ZNF740: variants seen among roughly 807,000 people sequenced by gnomAD.
ZNF740 encodes the protein oriLyt TD-element-binding protein 7.
ZNF740 carries 14 observed loss-of-function variants against 24.8 expected under a neutral mutation model. That is an observed-to-expected ratio of 0.56 (90% CI 0.37 to 0.88). ZNF740 has a LOEUF of 0.88. ZNF740 is among the 40% of genes least tolerant of loss of function. The probability of loss-of-function intolerance (pLI) is 0.00; values close to 1 mark genes in which losing one functional copy is unlikely to be tolerated. For missense variants in ZNF740, 201 were observed against 247.9 expected, an observed-to-expected ratio of 0.81 and a Z score of 1.27; for synonymous variants, 69 against 84.0, an observed-to-expected ratio of 0.82 and a Z score of 0.98.
At position 53,188,998 on chromosome 12, in the gene ZNF740, C is replaced by G. The variant is rs1565693793; in HGVS notation, c.*1408C>G. The G allele has an allele frequency of 6.6e-6, 1 of 152,196 alleles. No homozygotes were observed. The highest frequency in any genetic ancestry group is 1.9e-4 in the East Asian group (1 of 5,184). The allele number at this position is 152,196 out of a possible 1,614,324, so 9.4% of individuals were successfully genotyped here. On this transcript the variant is annotated 3_prime_UTR_variant, in exon 7 of 7. Coordinates refer to ENST00000416904, the MANE Select transcript of ZNF740 (RefSeq NM_001004304.4). ...CAAACCCTTCTCTGGCCCTCACCTT[C>G]AGGGAGGATGAGTGGAAAATAGCCT...
Position 53,186,522 on chromosome 12 carries a change from C to T in ZNF740, c.492+13C>T. ...ACGGTGTCATCAGGTAAGGCTCATC[C>T]CTGCTACAATACCCCACACACACTT... On this transcript the variant is annotated intron_variant, in intron 6 of 6. Transcript: ENST00000416904. 6.5e-7 allele frequency: 1 copy of T among 1,545,624 alleles called. No individual in the cohort carries two copies. Among genetic ancestry groups the T allele is most frequent in the South Asian group, 1.2e-5 (1 of 84,032 alleles).
At chr12:53,184,837 T>C (rs1351288355) in intron 2 of ZNF740, 54 bp from the exon 3 acceptor site, 43 of 1,573,052 alleles carry the variant, frequency 2.7e-5, no homozygotes, top group Non-Finnish European at 3.6e-5. Flanking sequence ...GATGGCAGTC[T>C]GTTTTTGCCC....
In ZNF740 at chr12:53,187,859, G is replaced by GA. The variant is rs1941853777; in HGVS notation, c.*269_*270insA. 4.4e-6 allele frequency: 2 copies of GA among 458,700 alleles called. No individual in the cohort carries two copies. Among genetic ancestry groups the GA allele is most frequent in the Admixed American group, 7.1e-5 (2 of 28,016 alleles). The allele number at this position is 458,700 out of a possible 1,614,324, so 28.4% of individuals were successfully genotyped here. ...TGGACCCTTGGCTGAGGTCATAGGTGGGGACTCAAGGTACAGGACCAAGAC... is the reference window on the plus strand; with the variant it reads ...TGGACCCTTGGCTGAGGTCATAGGTGAGGGACTCAAGGTACAGGACCAAGAC... On this transcript the variant is annotated 3_prime_UTR_variant, in exon 7 of 7. Coordinates refer to ENST00000416904, the MANE Select transcript of ZNF740 (RefSeq NM_001004304.4).
At position 53,193,732 on chromosome 12, in the gene ZNF740, C is replaced by G; in HGVS notation, c.*6142C>G. The G allele has an allele frequency of 6.2e-7, 1 of 1,613,392 alleles. No homozygotes were observed. Among genetic ancestry groups the G allele is most frequent in the Non-Finnish European group, 8.5e-7 (1 of 1,179,646 alleles). ...CCTGCATACACCACATTGTAGGTGT[C>G]CCTGGCCATCACTGCAGTGGGGAGC... On this transcript the variant is annotated 3_prime_UTR_variant, in exon 7 of 7. Transcript: ENST00000416904.
chr12:53,184,839 T>G (rs1941791705), intron 2 of ZNF740, 52 bp from the exon 3 acceptor site: 1 of 1,575,884 alleles, frequency 6.3e-7, no homozygotes, highest in Non-Finnish European at 8.6e-7. Context: ...TGGCAGTCTG[T>G]TTTTGCCCTG....
rs1197183139 is a variant in ZNF740 at position 53,181,820 on chromosome 12, C to CT, written c.-163dup. Reference sequence around the variant, plus strand: ...ACACCTATCTTTTCTTCGGAGGACACTAAGTTCTATTTGAAGACAAAGTTC... The same window carrying CT: ...ACACCTATCTTTTCTTCGGAGGACACTTAAGTTCTATTTGAAGACAAAGTTC... On this transcript the variant is annotated 5_prime_UTR_variant, in exon 2 of 7. Coordinates refer to ENST00000416904, the MANE Select transcript of ZNF740 (RefSeq NM_001004304.4). 2.3e-6 allele frequency: 2 copies of CT among 859,410 alleles called. No homozygotes were observed. The highest frequency in any genetic ancestry group is 1.7e-5 in the African/African-American group (1 of 58,196). The allele number at this position is 859,410 out of a possible 1,614,324, so 53.2% of individuals were successfully genotyped here.
chr12:53,181,055 C>A, intron 1 of ZNF740: 1 of 902,032 alleles, frequency 1.1e-6, no homozygotes, highest in Non-Finnish European at 1.4e-6. Flanking sequence ...GGAGAGGGCT[C>A]TCGGAGGGGA....
intron 2 of ZNF740, among the ~76,000 whole-genome samples, chr12:53,184,110 A>AAG (rs1435604999): frequency 8.8e-6 from 1 of 114,212 alleles, no homozygotes; most frequent in East Asian, 4.0e-4. Flanking sequence ...CTCTGAAGCT[A>AAG]AGGGGTGTGT....
rs1941971557 is a variant in ZNF740 at position 53,192,018 on chromosome 12, C to T, written c.*4428C>T. On this transcript the variant is annotated 3_prime_UTR_variant, in exon 7 of 7. Transcript: ENST00000416904. ...CAATGGCCTGCGTGTGGTCTGCTCC[C>T]TCTGTGAACAAGAAACCAGACACAC... 6.2e-7 allele frequency: 1 copy of T among 1,610,372 alleles called. No individual in the cohort carries two copies. The highest frequency in any genetic ancestry group is 8.5e-7 in the Non-Finnish European group (1 of 1,178,092).
chr12:53,193,072 A>G lies in ZNF740; in HGVS notation c.*5482A>G. 6.9e-7 allele frequency: 1 copy of G among 1,458,224 alleles called. No homozygotes were observed. 90.3% of individuals were successfully genotyped at this position (1,458,224 alleles called of 1,614,324 possible). ...TGATATTTGCCTTCCATGCCAGGAG[A>G]TTCCCAGAGCCTAAGTGCCTTGGGA... is the stretch of plus-strand genomic sequence containing the variant. On this transcript the variant is annotated 3_prime_UTR_variant, in exon 7 of 7. Coordinates refer to ENST00000416904, the MANE Select transcript of ZNF740 (RefSeq NM_001004304.4).
chr12:53,193,700 G>T lies in ZNF740; in HGVS notation c.*6110G>T, dbSNP rs760027953. 4 of 1,600,184 alleles carry T rather than the reference G, an allele frequency of 2.5e-6. No homozygotes were observed. The South Asian group carries it at 4.5e-5, about 18-fold the overall frequency. ...GCCAGGTGGTTGAAGGGAAGAGGAG[G>T]CCCTCACCTGCATACACCACATTGT... On this transcript the variant is annotated 3_prime_UTR_variant, in exon 7 of 7. Transcript: ENST00000416904.
rs747022308 is a variant in ZNF740, at chr12:53,192,711, C to T, written c.*5121C>T. 1.2e-6 allele frequency: 2 copies of T among 1,614,124 alleles called. No individual in the cohort carries two copies. Among genetic ancestry groups the T allele is most frequent in the Non-Finnish European group, 1.7e-6 (2 of 1,180,000 alleles). The stretch of plus-strand genomic sequence containing the variant: ...CTCACCGGTGTCTCTCGCATGGTGT[C>T]TTGCAGCCTGGGCATTGGTCGCATA... On this transcript the variant is annotated 3_prime_UTR_variant, in exon 7 of 7. Transcript: ENST00000416904.
In ZNF740 at chr12:53,192,784, C is replaced by T. The variant is rs143018472; in HGVS notation, c.*5194C>T. 133 of 1,614,230 alleles carry T rather than the reference C, an allele frequency of 8.2e-5. No individual in the cohort carries two copies. The highest frequency in any genetic ancestry group is 1.1e-4 in the Non-Finnish European group (124 of 1,180,030). ...GCACTGGCAGCGGTTGCATTTGCAG[C>T]GTCCATGCCCACTGCAGAGCCCTCC... On this transcript the variant is annotated 3_prime_UTR_variant, in exon 7 of 7. Coordinates refer to ENST00000416904, the MANE Select transcript of ZNF740 (RefSeq NM_001004304.4).
Position 53,184,990 on chromosome 12 carries a change from G to T in ZNF740, c.109G>T (p.Glu37Ter). ...MLSQIASKQA[E>*]NGERAGSPDV... ...GAGCCAGATTGCCAGCAAGCAGGCC[G>T]AGAATGGCGAGCGGGCAGGTAGCCC... Residue 37 changes from glutamate (E) to a stop codon, truncating the protein, a stop_gained, in exon 3 of 7, where the codon GAG becomes TAG. Coordinates refer to ENST00000416904, the MANE Select transcript of ZNF740 (RefSeq NM_001004304.4). LOFTEE classifies it high-confidence loss of function. 1 of 1,614,010 alleles carries T rather than the reference G, an allele frequency of 6.2e-7. No homozygotes were observed. Among genetic ancestry groups the T allele is most frequent in the Non-Finnish European group, 8.5e-7 (1 of 1,179,900 alleles).
Position 53,186,419 on chromosome 12 carries a change from T to A in ZNF740, c.402T>A (p.Cys134Ter). The A allele has an allele frequency of 6.3e-7, 1 of 1,586,742 alleles. No individual in the cohort carries two copies. The highest frequency in any genetic ancestry group is 8.6e-7 in the Non-Finnish European group (1 of 1,165,842). ...AGAAGCCATTTGAATGCGATATATG[T>A]GATATGCGTTTCATCCAGAAGTACC... ...TGEKPFECDI[C>*]DMRFIQKYHL... The change falls in exon 6 of 7, where the codon TGT becomes TGA. Residue 134 changes from cysteine to a stop codon, truncating the protein, a stop_gained. Transcript: ENST00000416904. LOFTEE classifies it high-confidence loss of function.
At chr12:53,180,987 GA>G in intron 1 of ZNF740, 150 bp downstream of exon 1, 1 of 624,814 alleles carries the variant, frequency 1.6e-6, no homozygotes, top group Non-Finnish European at 2.1e-6. Context: ...GGAGGGAGGG[GA>G]AAGGCCGTGC....
At chr12:53,186,210 C>A in intron 5 of ZNF740, 133 bp downstream of exon 5, 2 of 1,300,640 alleles carry the variant, frequency 1.5e-6, no homozygotes, top group South Asian at 1.5e-5. Context: ...GTCAATGAAG[C>A]AGAGAGATTG....
chr12:53,191,528 G>T lies in ZNF740; in HGVS notation c.*3938G>T, dbSNP rs573888802. On this transcript the variant is annotated 3_prime_UTR_variant, in exon 7 of 7. Transcript: ENST00000416904. ...AGTTCCCACTGTCCTCCAAGGAGAA[G>T]AGCCTTGGGTAAGTGTCCCTCCCTC... 2 of 1,535,348 alleles carry T rather than the reference G, an allele frequency of 1.3e-6. No homozygotes were observed. Among genetic ancestry groups the T allele is most frequent in the Non-Finnish European group, 1.8e-6 (2 of 1,108,110 alleles).
rs1942089101 is a variant in ZNF740 at position 53,194,523 on chromosome 12, G to A, written c.*6933G>A. 1.7e-6 allele frequency: 1 copy of A among 591,760 alleles called. No homozygotes were observed. The highest frequency in any genetic ancestry group is 2.0e-5 in the South Asian group (1 of 50,530). The allele number at this position is 591,760 out of a possible 1,614,324, so 36.7% of individuals were successfully genotyped here. A position where few individuals can be genotyped will look rare whatever the true frequency, so the allele number is the denominator to read the frequency against. On this transcript the variant is annotated 3_prime_UTR_variant, in exon 7 of 7. Coordinates refer to ENST00000416904, the MANE Select transcript of ZNF740 (RefSeq NM_001004304.4). ...GGAGGACCCGTGAGAACCTTGCATAGAACATACAGGATCCAGAGGCCTCTA... is the reference window on the plus strand; with the variant it reads ...GGAGGACCCGTGAGAACCTTGCATAAAACATACAGGATCCAGAGGCCTCTA...
Sources: gnomAD v4.1 joint callset for allele counts (sites outside exome capture counted in the v4.1 genomes callset) on GRCh38, gnomAD v4.1.1 for gene constraint, MANE v1.5 for transcripts, NCBI Gene and HGNC (gene_info 2026-07-23, HGNC 2026-07-21) for gene names.